METTL15: variants seen among roughly 807,000 people sequenced by gnomAD.
The protein encoded by METTL15 is methyltransferase 15, mitochondrial 12S rRNA N4-cytidine, also known as 12S rRNA N(4)-cytidine methyltransferase METTL15.
A neutral mutation model predicts 38.3 loss-of-function variants in METTL15; 34 were observed. That is an observed-to-expected ratio of 0.89 (90% CI 0.68 to 1.18). The LOEUF is 1.18. METTL15 is among the 50% of genes most tolerant of loss of function. METTL15 has a pLI of 0.00. For missense variants in METTL15, 438 were observed against 498.4 expected (o/e 0.88, Z 1.15); for synonymous variants, 162 against 170.9 (o/e 0.95, Z 0.41).
intron 5 of METTL15, among the ~76,000 whole-genome samples, chr11:28,374,918 G>T (rs1278232245): frequency 2.6e-5 from 4 of 151,832 alleles, no homozygotes; most frequent in Non-Finnish European, 4.4e-5. Context: ...CATCTATTGA[G>T]ATAATCATGT....
At chr11:28,286,596 G>A (rs766487530) in intron 4 of METTL15, among the ~76,000 whole-genome samples, 2 of 152,046 alleles carry the variant, frequency 1.3e-5, no homozygotes, top group African/African-American at 2.4e-5. Context: ...TATAGAAATA[G>A]TGATAAAATA....
At chr11:28,440,333 T>C (rs777534725) in intron 6 of METTL15, among the ~76,000 whole-genome samples, 1 of 152,194 alleles carries the variant, frequency 6.6e-6, no homozygotes, top group Non-Finnish European at 1.5e-5. Flanking sequence ...TAAAAATTGC[T>C]TACTATGAAT....
intron 6 of METTL15, among the ~76,000 whole-genome samples, chr11:28,523,921 G>A (rs1851787666): frequency 1.3e-5 from 2 of 152,184 alleles, no homozygotes; most frequent in Admixed American, 1.3e-4. Flanking sequence ...ACTAAGGTGG[G>A]GTGGTGCTAT....
At position 28,354,963 on chromosome 11, in the gene METTL15, G is replaced by A. The variant is rs72878339; in HGVS notation, c.*258+2805G>A. Among the ~76,000 whole-genome samples, 1,260 of 152,116 alleles carry A rather than the reference G, an allele frequency of 8.3e-3. 15 individuals are homozygous for A. Among genetic ancestry groups the A allele is most frequent in the Non-Finnish European group, 9.1e-3 (618 of 68,004 alleles). The stretch of plus-strand genomic sequence containing the variant: ...ATCATCAATACAGAGGTGAGTGAGA[G>A]GACCTTTCCCTTAACAAAGAAATAA... On this transcript the variant is annotated intron_variant and NMD_transcript_variant, in intron 4 of 7. Transcript: ENST00000532947.
At chr11:28,349,092 A>G (rs1321222842) in intron 3 of METTL15, among the ~76,000 whole-genome samples, 2 of 152,222 alleles carry the variant, frequency 1.3e-5, no homozygotes, top group Non-Finnish European at 1.5e-5. Flanking sequence ...ATTTATCTCT[A>G]TATACATCTA....
At chr11:28,367,916 C>T (rs192679577) in intron 5 of METTL15, among the ~76,000 whole-genome samples, 65 of 151,808 alleles carry the variant, frequency 4.3e-4, no homozygotes, top group African/African-American at 1.5e-3. Context: ...AAACTGGAAC[C>T]CTTTTACAAC....
intron 5 of METTL15, among the ~76,000 whole-genome samples, chr11:28,383,492 T>C (rs982809501): frequency 1.4e-4 from 22 of 152,212 alleles, no homozygotes; most frequent in African/African-American, 5.3e-4. Context: ...AATAATAGTA[T>C]TGCTGGGTTG....
At chr11:28,448,703 C>T (rs1851094928) in intron 6 of METTL15, among the ~76,000 whole-genome samples, 2 of 152,228 alleles carry the variant, frequency 1.3e-5, no homozygotes, top group East Asian at 3.9e-4. Flanking sequence ...CCTCAGTATG[C>T]TCATCCCTTC....
At chr11:28,156,454 A>G (rs1850269572) in intron 3 of METTL15, among the ~76,000 whole-genome samples, 1 of 152,214 alleles carries the variant, frequency 6.6e-6, no homozygotes, top group Non-Finnish European at 1.5e-5. Context: ...TCCTGACGGT[A>G]GATATTCAGT....
At chr11:28,361,369 G>A (rs1485116058) in intron 4 of METTL15, among the ~76,000 whole-genome samples, 1 of 151,920 alleles carries the variant, frequency 6.6e-6, no homozygotes, top group Non-Finnish European at 1.5e-5. Flanking sequence ...GTGTGAGATG[G>A]TATCTCATTG....
rs754756005 is a variant in METTL15 at position 28,330,520 on chromosome 11, G to A, written c.903G>A (p.Thr301=). 1.9e-5 allele frequency: 30 copies of A among 1,551,370 alleles called. No homozygotes were observed. The highest frequency in any genetic ancestry group is 1.7e-4 in the Middle Eastern group (1 of 6,008). Residue 301 remains threonine, a synonymous_variant, in exon 7 of 7, where the codon ACG becomes ACA. Transcript: ENST00000407364. The part of the protein sequence containing the change: ...FVNNELNELY[T]GLKTAQKFLR... The stretch of plus-strand genomic sequence containing the variant: ...ACAATGAGCTCAATGAACTCTACAC[G>A]GGACTGAAGACAGCTCAGAAGTTTC...
intron 3 of METTL15, among the ~76,000 whole-genome samples, chr11:28,154,633 G>A (rs959128): frequency 1 from 151,825 of 152,252 alleles, 75,700 homozygotes; most frequent in Non-Finnish European, 1. Context: ...GTCACTTTGG[G>A]CAAGTCTGTT....
At chr11:28,180,685 A>G (rs1402593426) in intron 3 of METTL15, among the ~76,000 whole-genome samples, 1 of 151,780 alleles carries the variant, frequency 6.6e-6, no homozygotes, top group Non-Finnish European at 1.5e-5. Flanking sequence ...TTGTTTTCTG[A>G]GATGACAAAA....
intron 5 of METTL15, among the ~76,000 whole-genome samples, chr11:28,378,622 C>T (rs899670231): frequency 2.6e-5 from 4 of 152,296 alleles, no homozygotes; most frequent in East Asian, 1.9e-4. Context: ...TCTTCTGCGT[C>T]GCTCAGGCTG....
At chr11:28,441,051 T>A (rs1042244876) in intron 6 of METTL15, among the ~76,000 whole-genome samples, 1 of 105,354 alleles carries the variant, frequency 9.5e-6, no homozygotes, top group Non-Finnish European at 1.9e-5. Context: ...CTTTTACTTA[T>A]GACACTACTT....
intron 5 of METTL15, chr11:28,410,656 G>A (rs368928303): frequency 2.0e-5 from 3 of 152,118 alleles, no homozygotes; most frequent in South Asian, 2.1e-4. Context: ...AAAACTAACA[G>A]TTAACATGAT....
intron 6 of METTL15, among the ~76,000 whole-genome samples, chr11:28,322,604 A>G (rs1849508818): frequency 6.6e-6 from 1 of 152,156 alleles, no homozygotes; most frequent in African/African-American, 2.4e-5. Flanking sequence ...ATTTAGAAAT[A>G]TTGATCCAAA....
At chr11:28,492,864 A>C (rs921327218) in intron 6 of METTL15, among the ~76,000 whole-genome samples, 23 of 152,160 alleles carry the variant, frequency 1.5e-4, no homozygotes, top group Admixed American at 9.8e-4. Context: ...TTTCAGGTAC[A>C]TCAGGTACAT....
intron 6 of METTL15, among the ~76,000 whole-genome samples, chr11:28,320,370 G>A (rs940283528): frequency 6.6e-6 from 1 of 151,600 alleles, no homozygotes; most frequent in Non-Finnish European, 1.5e-5. Flanking sequence ...ACCAGCCTAG[G>A]CAACGTAGCG....
Sources: allele counts gnomAD v4.1 joint callset (sites outside exome capture counted in the v4.1 genomes callset), GRCh38; gene constraint gnomAD v4.1.1; transcripts MANE v1.5; gene names NCBI Gene and HGNC (gene_info 2026-07-23, HGNC 2026-07-21).